PKN2: variants seen among roughly 807,000 people sequenced by gnomAD.
PKN2 encodes protein kinase N2, also known as serine/threonine-protein kinase N2.
A neutral mutation model predicts 119.1 loss-of-function variants in PKN2; 38 were observed. The ratio of observed to expected loss-of-function variants is 0.32; its 90% confidence interval spans 0.25 to 0.42. The LOEUF (loss-of-function observed/expected upper bound fraction) is 0.42. Ranked by LOEUF, PKN2 falls within the 10% of genes least tolerant of loss-of-function variation. The probability of loss-of-function intolerance (pLI) is 1.00; values close to 1 mark genes in which losing one functional copy is unlikely to be tolerated. For missense variants in PKN2, 850 were observed against 1,165.1 expected (o/e 0.73, Z 3.94); for synonymous variants, 390 against 384.9 (o/e 1.01, Z -0.15).
At position 88,684,388 on chromosome 1, in the gene PKN2, A is replaced by C; in HGVS notation, c.-193A>C. The C allele has an allele frequency of 1.9e-6, 1 of 523,534 alleles. No individual in the cohort carries two copies. Among genetic ancestry groups the C allele is most frequent in the Non-Finnish European group, 3.3e-6 (1 of 298,610 alleles). 32.4% of individuals were successfully genotyped at this position (523,534 alleles called of 1,614,324 possible). The stretch of plus-strand genomic sequence containing the variant: ...AGAGGAAGCCCGCTACGAGTGCCCT[A>C]GCTCCCCGCCGCTCTCGATGAACCG... On this transcript the variant is annotated 5_prime_UTR_variant, in exon 1 of 22. Coordinates refer to ENST00000370521, the MANE Select transcript of PKN2 (RefSeq NM_006256.4).
intron 3 of PKN2, among the ~76,000 whole-genome samples, chr1:88,766,544 G>A (rs1669676519): frequency 6.6e-6 from 1 of 152,104 alleles, no homozygotes; most frequent in South Asian, 2.1e-4. Flanking sequence ...GCATTATAGA[G>A]TGCCAATTAC....
At chr1:88,828,418 ATT>A in intron 18 of PKN2, 61 bp from the exon 19 acceptor site, 3 of 1,323,244 alleles carry the variant, frequency 2.3e-6, no homozygotes, top group Non-Finnish European at 2.1e-6. Flanking sequence ...GATAGCTTTG[ATT>A]TTTTTTTTAT....
chr1:88,703,287 T>C (rs1666846836), intron 1 of PKN2, among the ~76,000 whole-genome samples: 1 of 152,182 alleles, frequency 6.6e-6, no homozygotes, highest in East Asian at 1.9e-4. Flanking sequence ...AATTTTCATA[T>C]GTTACAATAA....
chr1:88,814,223 G>A (rs771703878), intron 16 of PKN2, among the ~76,000 whole-genome samples: 3 of 152,180 alleles, frequency 2.0e-5, no homozygotes, highest in East Asian at 1.9e-4. Context: ...AAAAGAAACT[G>A]GTATGTGTGT....
At chr1:88,747,050 CAA>C (rs1014588266) in intron 2 of PKN2, among the ~76,000 whole-genome samples, 100 of 152,048 alleles carry the variant, frequency 6.6e-4, no homozygotes, top group African/African-American at 2.4e-3. Flanking sequence ...CTTAAAAAGA[CAA>C]ATTCATTGAC....
intron 3 of PKN2, among the ~76,000 whole-genome samples, chr1:88,768,594 A>G (rs908084104): frequency 2.6e-5 from 4 of 152,144 alleles, no homozygotes; most frequent in Admixed American, 2.0e-4. Flanking sequence ...CCTTAATTCC[A>G]TTTGCTACCT....
intron 1 of PKN2, among the ~76,000 whole-genome samples, chr1:88,698,257 A>G (rs1359634809): frequency 1.3e-5 from 2 of 152,134 alleles, no homozygotes; most frequent in Admixed American, 1.3e-4. Flanking sequence ...AGGAACCAGA[A>G]CCACCACCCC....
intron 9 of PKN2, 41 bp from the exon 10 acceptor site, chr1:88,804,805 C>A: frequency 9.4e-7 from 1 of 1,067,208 alleles, no homozygotes; most frequent in Non-Finnish European, 1.4e-6. Flanking sequence ...ATTTCATGAA[C>A]CATGCTATTT....
chr1:88,777,925 A>G (rs1670170539), intron 6 of PKN2, among the ~76,000 whole-genome samples: 2 of 152,190 alleles, frequency 1.3e-5, no homozygotes, highest in African/African-American at 4.8e-5. Context: ...GGTTTCATCT[A>G]CAAAATGAGA....
chr1:88,699,357 T>G (rs988314544), intron 1 of PKN2, among the ~76,000 whole-genome samples: 3 of 151,816 alleles, frequency 2.0e-5, no homozygotes, highest in Non-Finnish European at 4.4e-5. Context: ...AAGTATCTTG[T>G]TTTTTTTGCG....
At chr1:88,740,681 G>A (rs915642427) in intron 1 of PKN2, among the ~76,000 whole-genome samples, 4 of 151,990 alleles carry the variant, frequency 2.6e-5, no homozygotes, top group African/African-American at 7.2e-5. Flanking sequence ...ATCTAACCTG[G>A]GTTCCTAAGA....
intron 1 of PKN2, among the ~76,000 whole-genome samples, chr1:88,738,882 A>G (rs35484194): frequency 0.04 from 6,156 of 152,310 alleles, 283 homozygotes; most frequent in African/African-American, 0.1. Flanking sequence ...TTCTTTGACA[A>G]TAGACATGTG....
intron 1 of PKN2, among the ~76,000 whole-genome samples, chr1:88,687,583 T>C (rs994890737): frequency 6.6e-6 from 1 of 152,222 alleles, no homozygotes; most frequent in African/African-American, 2.4e-5. Context: ...AGCAGTGTAC[T>C]AACAAAGCTA....
Position 88,814,025 on chromosome 1 carries a change from G to A in PKN2, c.2279+292G>A, listed in dbSNP as rs141955382. ...CTATTAGATTTTCTCACTAGAGAAT[G>A]CCATCCAGAATTACAGCTTTAAAGA... On this transcript the variant is annotated intron_variant, in intron 16 of 21. Coordinates refer to ENST00000370521, the MANE Select transcript of PKN2 (RefSeq NM_006256.4). 3.8e-3 allele frequency among the ~76,000 whole-genome samples: 582 copies of A among 151,746 alleles called. 12 individuals carry two copies. Among genetic ancestry groups the A allele is most frequent in the East Asian group, 0.032 (164 of 5,190 alleles).
At chr1:88,813,806 T>C in intron 16 of PKN2, 73 bp downstream of exon 16, 5 of 1,270,056 alleles carry the variant, frequency 3.9e-6, no homozygotes, top group Middle Eastern at 1.9e-4. Flanking sequence ...AGAGATTCTT[T>C]GAATTTTAGA....
intron 1 of PKN2, among the ~76,000 whole-genome samples, chr1:88,694,398 T>G (rs2100652039): frequency 6.6e-6 from 1 of 152,342 alleles, no homozygotes; most frequent in South Asian, 2.1e-4. Context: ...CATGGGTTTC[T>G]TTCACTTAGA....
intron 1 of PKN2, among the ~76,000 whole-genome samples, chr1:88,728,016 C>CTTTTTTTT (rs34460979): frequency 2.3e-5 from 3 of 130,762 alleles, no homozygotes; most frequent in Non-Finnish European, 3.2e-5. Context: ...TTTCTTGGGG[C>CTTTTTTTT]TTTTTTTTTT....
chr1:88,748,053 A>T (rs976365072), intron 2 of PKN2, among the ~76,000 whole-genome samples: 1 of 152,180 alleles, frequency 6.6e-6, no homozygotes, highest in African/African-American at 2.4e-5. Context: ...CATGAGATTA[A>T]ATGTATAGAT....
At chr1:88,825,720 A>C (rs1233748192) in intron 18 of PKN2, among the ~76,000 whole-genome samples, 1 of 152,048 alleles carries the variant, frequency 6.6e-6, no homozygotes, top group Non-Finnish European at 1.5e-5. Flanking sequence ...TCCCAAATCA[A>C]CCTGCCATGT....
Sources: gnomAD v4.1 joint callset for allele counts (sites outside exome capture counted in the v4.1 genomes callset) on GRCh38, gnomAD v4.1.1 for gene constraint, MANE v1.5 for transcripts, NCBI Gene and HGNC (gene_info 2026-07-23, HGNC 2026-07-21) for gene names.